Variants in TENM1 observed in about 807,000 individuals in gnomAD.
TENM1 encodes the protein teneurin transmembrane protein 1, also known as teneurin-1.
Under a neutral mutation model 174.8 loss-of-function variants are expected in TENM1, and 35 were observed. The observed-to-expected ratio is 0.20, with a 90% CI of 0.15 to 0.27. The LOEUF (loss-of-function observed/expected upper bound fraction) is 0.27, where lower values mean the gene tolerates loss of function less well. Ranked by LOEUF, TENM1 falls within the 10% of genes least tolerant of loss-of-function variation. TENM1 has a pLI of 1.00. For synonymous variants in TENM1, 781 were observed against 798.7 expected (o/e 0.98, Z 0.37); for missense variants, 1,633 against 2,130.1 (o/e 0.77, Z 4.59).
chrX:124,566,230 T>C (rs915895044), intron 11 of TENM1, among the ~76,000 whole-genome samples: 1 of 111,963 alleles, frequency 8.9e-6, no homozygotes, highest in African/African-American at 3.2e-5. Flanking sequence ...AACCAGCTGG[T>C]TTCCCTGATC....
chrX:124,688,326 T>C (rs1318959510), intron 5 of TENM1, among the ~76,000 whole-genome samples: 1 of 109,315 alleles, frequency 9.1e-6, no homozygotes, highest in African/African-American at 3.3e-5. Context: ...GTAGGCTCAC[T>C]GCAACCTCCA....
intron 3 of TENM1, among the ~76,000 whole-genome samples, chrX:124,796,628 T>C (rs2055310822): frequency 1.8e-5 from 2 of 111,704 alleles, no homozygotes; most frequent in African/African-American, 6.5e-5. Context: ...ATTTTAAAAA[T>C]ATTGTTCTCT....
chrX:124,520,523 C>T (rs1441714703), exon 18 of TENM1: 1 of 1,204,721 alleles, frequency 8.3e-7, no homozygotes, highest in Non-Finnish European at 1.1e-6. Context: ...ATACCCAAAG[C>T]CTCTGCCAGG....
chrX:124,561,663 T>C lies in TENM1; in HGVS notation c.2434+8A>G, dbSNP rs1405462146. 4 of 1,208,738 alleles carry C rather than the reference T, an allele frequency of 3.3e-6. No homozygotes were observed. Among genetic ancestry groups the C allele is most frequent in the Non-Finnish European group, 2.2e-6 (2 of 894,610 alleles). ...CTTTCTTACGTGAACATTTTATAAA[T>C]GACTCACCTCCATCATTGTCCAAGT... On this transcript the variant is annotated splice_region_variant and intron_variant, in intron 14 of 31. Coordinates refer to ENST00000422452, the Ensembl canonical transcript of TENM1.
chrX:124,832,342 A>G (rs1179659103), intron 3 of TENM1, among the ~76,000 whole-genome samples: 1 of 111,822 alleles, frequency 8.9e-6, no homozygotes, highest in East Asian at 2.8e-4. Context: ...GTGTTGTGTA[A>G]TGTTCAATAT....
chrX:124,620,948 T>C (rs778800632), intron 11 of TENM1, among the ~76,000 whole-genome samples: 6 of 112,019 alleles, frequency 5.4e-5, no homozygotes, highest in African/African-American at 1.9e-4. Context: ...GTGGATTATA[T>C]CTTGTCATTC....
At chrX:124,974,902 A>ATATAT in the TENM1 span, among the ~76,000 whole-genome samples, 7 of 91,972 alleles carry the variant, frequency 7.6e-5, no homozygotes, top group South Asian at 4.6e-4. Flanking sequence ...ATATATATAT[A>ATATAT]AAATAATTTT....
At chrX:124,736,299 A>G (rs761386519) in intron 4 of TENM1, among the ~76,000 whole-genome samples, 2 of 112,071 alleles carry the variant, frequency 1.8e-5, no homozygotes, top group Admixed American at 9.4e-5. Context: ...TATCATGATC[A>G]AGGGACCTAG....
chrX:124,958,498 G>A (rs1293779940), intron 1 of TENM1, among the ~76,000 whole-genome samples: 1 of 111,507 alleles, frequency 9.0e-6, no homozygotes, highest in Non-Finnish European at 1.9e-5. Context: ...ACTGGAGGCT[G>A]GCAAGGTTGT....
At chrX:124,898,019 T>G (rs1003168274) in intron 1 of TENM1, among the ~76,000 whole-genome samples, 1 of 112,460 alleles carries the variant, frequency 8.9e-6, no homozygotes, top group East Asian at 2.8e-4. Context: ...AACCTGGTAA[T>G]AAACCTTTCA....
intron 3 of TENM1, among the ~76,000 whole-genome samples, chrX:124,748,461 G>A (rs2086821666): frequency 9.0e-6 from 1 of 110,646 alleles, no homozygotes; most frequent in South Asian, 3.8e-4. Context: ...TTAAAGTAGG[G>A]CTTATCCTAC....
chrX:124,930,896 C>T (rs967203180), intron 1 of TENM1, among the ~76,000 whole-genome samples: 32 of 111,863 alleles, frequency 2.9e-4, no homozygotes, highest in African/African-American at 1.0e-3. Flanking sequence ...CGTGCTAATT[C>T]TCTCAGCTGC....
chrX:124,384,969 A>T, intron 29 of TENM1, 115 bp from the exon 33 acceptor site: 1 of 639,832 alleles, frequency 1.6e-6, no homozygotes, highest in Non-Finnish European at 2.2e-6. Flanking sequence ...ATACAATATT[A>T]GAGACTGATC....
the TENM1 span, among the ~76,000 whole-genome samples, chrX:124,976,822 G>T: frequency 8.9e-6 from 1 of 111,768 alleles, no homozygotes; most frequent in African/African-American, 3.2e-5. Flanking sequence ...TGTGTAATCA[G>T]TTTGATACAG....
chrX:124,459,045 A>C (rs1311480653), intron 22 of TENM1, among the ~76,000 whole-genome samples: 1 of 111,984 alleles, frequency 8.9e-6, no homozygotes, highest in South Asian at 3.7e-4. Context: ...GGAGACAGAG[A>C]AATAACCAGG....
intron 11 of TENM1, among the ~76,000 whole-genome samples, chrX:124,574,181 A>G (rs1326373996): frequency 2.7e-5 from 3 of 112,128 alleles, no homozygotes; most frequent in Non-Finnish European, 5.6e-5. Flanking sequence ...CAACACTTGT[A>G]TAAATTGAAC....
chrX:124,399,745 T>C (rs747521357), intron 27 of TENM1, among the ~76,000 whole-genome samples: 1 of 111,553 alleles, frequency 9.0e-6, no homozygotes, highest in East Asian at 2.8e-4. Context: ...GGTGGGCGGA[T>C]GGCTTGAGTC....
intron 11 of TENM1, among the ~76,000 whole-genome samples, chrX:124,595,661 C>T (rs2049873275): frequency 8.9e-6 from 1 of 111,944 alleles, no homozygotes; most frequent in Admixed American, 9.5e-5. Flanking sequence ...AGCCAAAACT[C>T]TTATTTAGGT....
chrX:124,384,341 C>T (rs747012525), exon 30 of TENM1: 10 of 1,208,499 alleles, frequency 8.3e-6, no homozygotes, highest in African/African-American at 7.0e-5. Context: ...AGGAGTAAGA[C>T]GAGCACTCTT....
Sources: gnomAD v4.1 joint callset for allele counts (sites outside exome capture counted in the v4.1 genomes callset) on GRCh38, gnomAD v4.1.1 for gene constraint, MANE v1.5 for transcripts, NCBI Gene and HGNC (gene_info 2026-07-23, HGNC 2026-07-21) for gene names.